RABGAP1L: variants seen among roughly 807,000 people sequenced by gnomAD.
The protein encoded by RABGAP1L is RAB GTPase activating protein 1 like, also known as rab GTPase-activating protein 1-like.
RABGAP1L carries 63 observed loss-of-function variants against 137.7 expected under a neutral mutation model. That is an observed-to-expected ratio of 0.46 (90% confidence interval 0.37 to 0.56). The LOEUF is 0.56. RABGAP1L is among the 20% of genes least tolerant of loss of function. The probability of loss-of-function intolerance (pLI) is 0.00; values close to 1 mark genes in which losing one functional copy is unlikely to be tolerated. For synonymous variants in RABGAP1L, 431 were observed against 433.7 expected (o/e 0.99, Z 0.08); for missense variants, 1,095 against 1,244.0 (o/e 0.88, Z 1.80).
At chr1:174,839,361 GACA>G (rs1693143422) in intron 19 of RABGAP1L, among the ~76,000 whole-genome samples, 2 of 152,060 alleles carry the variant, frequency 1.3e-5, no homozygotes, top group Non-Finnish European at 2.9e-5. Context: ...AGATACTTGA[GACA>G]ACTTTACTGA....
intron 11 of RABGAP1L, among the ~76,000 whole-genome samples, chr1:174,342,612 CTTTT>C (rs1682069325): frequency 1.3e-5 from 2 of 151,792 alleles, no homozygotes; most frequent in African/African-American, 4.8e-5. Context: ...TCTGTTTTTT[CTTTT>C]TTATTGTTTA....
intron 7 of RABGAP1L, among the ~76,000 whole-genome samples, chr1:174,265,508 C>T (rs539230171): frequency 7.8e-4 from 115 of 146,772 alleles, no homozygotes; most frequent in Admixed American, 1.8e-3. Context: ...TGTGCCACTG[C>T]ACTCCAGCCT....
At chr1:174,191,816 C>G (rs984807670) in intron 1 of RABGAP1L, among the ~76,000 whole-genome samples, 2 of 152,122 alleles carry the variant, frequency 1.3e-5, no homozygotes, top group African/African-American at 4.8e-5. Context: ...ATAATAGAGA[C>G]ACACTGACTC....
At chr1:174,579,726 C>T (rs562993285) in intron 13 of RABGAP1L, among the ~76,000 whole-genome samples, 4 of 152,222 alleles carry the variant, frequency 2.6e-5, no homozygotes, top group Middle Eastern at 3.4e-3. Context: ...TGATGCTCTT[C>T]GAAGAACACA....
chr1:174,302,366 C>G (rs979916166), intron 10 of RABGAP1L, among the ~76,000 whole-genome samples: 1 of 152,052 alleles, frequency 6.6e-6, no homozygotes, highest in Non-Finnish European at 1.5e-5. Flanking sequence ...ACTTTACTTG[C>G]TTTTTGTGTC....
intron 9 of RABGAP1L, among the ~76,000 whole-genome samples, chr1:174,278,049 T>C (rs2148675743): frequency 6.6e-6 from 1 of 152,188 alleles, no homozygotes; most frequent in African/African-American, 2.4e-5. Context: ...TTTTAAAAAA[T>C]ATTTAAAAAG....
intron 17 of RABGAP1L, among the ~76,000 whole-genome samples, chr1:174,707,566 C>G (rs879455473): frequency 3.9e-5 from 6 of 152,156 alleles, no homozygotes; most frequent in Non-Finnish European, 5.9e-5. Flanking sequence ...CTATGTAAAT[C>G]TCATTTTCTT....
At chr1:174,185,561 C>G (rs1187650952) in intron 1 of RABGAP1L, among the ~76,000 whole-genome samples, 1 of 152,076 alleles carries the variant, frequency 6.6e-6, no homozygotes, top group Admixed American at 6.5e-5. Context: ...GTAAAAAGTG[C>G]AATTCTACTT....
In RABGAP1L at chr1:174,588,013, A is replaced by T. The variant is rs1292300351; in HGVS notation, c.1711-49362A>T. On this transcript the variant is annotated intron_variant, in intron 13 of 25. Coordinates refer to ENST00000681986, the MANE Select transcript of RABGAP1L (RefSeq NM_001366446.1). Reference sequence around the variant, plus strand: ...CGAGTAGTTGGGACTACAGGCGTGCACAACCAGGCTTGGCTAAGTTTTTTG... The same window carrying T: ...CGAGTAGTTGGGACTACAGGCGTGCTCAACCAGGCTTGGCTAAGTTTTTTG... Among the ~76,000 whole-genome samples the T allele has an allele frequency of 2.0e-5, 3 of 152,008 alleles. No homozygotes were observed. The East Asian group carries it at 5.8e-4, about 29-fold the overall frequency.
chr1:174,467,238 A>G (rs1026993793), intron 13 of RABGAP1L, among the ~76,000 whole-genome samples: 1 of 152,184 alleles, frequency 6.6e-6, no homozygotes, highest in Non-Finnish European at 1.5e-5. Context: ...ATGAAGCATC[A>G]ATGTTACCAT....
intron 17 of RABGAP1L, among the ~76,000 whole-genome samples, chr1:174,741,032 A>ATTTTTT (rs1209031209): frequency 7.6e-6 from 1 of 132,154 alleles, no homozygotes; most frequent in Non-Finnish European, 1.6e-5. Flanking sequence ...CACTCTGTTG[A>ATTTTTT]TTTTTTTGTT....
chr1:174,810,971 G>T (rs560271420), intron 18 of RABGAP1L, among the ~76,000 whole-genome samples: 1 of 151,874 alleles, frequency 6.6e-6, no homozygotes, highest in African/African-American at 2.4e-5. Flanking sequence ...GTGTGGTGGT[G>T]TGTGCCTGTA....
chr1:174,323,780 A>T (rs1227506874), intron 11 of RABGAP1L, among the ~76,000 whole-genome samples: 1 of 152,184 alleles, frequency 6.6e-6, no homozygotes, highest in Non-Finnish European at 1.5e-5. Context: ...GGAAACCAAA[A>T]TATTCTCTTC....
intron 18 of RABGAP1L, among the ~76,000 whole-genome samples, chr1:174,802,354 C>T (rs1688833852): frequency 6.6e-6 from 1 of 152,180 alleles, no homozygotes; most frequent in Admixed American, 6.5e-5. Flanking sequence ...AGCCTGTATA[C>T]CCAGCACTTT....
At chr1:174,641,364 G>A (rs1456511833) in intron 14 of RABGAP1L, among the ~76,000 whole-genome samples, 4 of 152,024 alleles carry the variant, frequency 2.6e-5, no homozygotes, top group Non-Finnish European at 4.4e-5. Flanking sequence ...GGAGGAAATC[G>A]AAATGATTCA....
chr1:174,849,089 C>T (rs572553184), intron 19 of RABGAP1L, among the ~76,000 whole-genome samples: 170 of 152,322 alleles, frequency 1.1e-3, no homozygotes, highest in Middle Eastern at 6.8e-3. Flanking sequence ...CTTCGGCTCG[C>T]GCACGGTGCG....
rs183539568 is a variant in RABGAP1L, at chr1:174,191,333, G to A, written c.-33-27792G>A. 5.6e-3 allele frequency among the ~76,000 whole-genome samples: 853 copies of A among 152,020 alleles called. 15 individuals carry two copies. The highest frequency in any genetic ancestry group is 0.02 in the African/African-American group (820 of 41,324). ...TTGTCTGTTGATTTTTGAAAACTGG[G>A]GTGAATGAAGAGAGCTGACACTACA... is the stretch of plus-strand genomic sequence containing the variant. On this transcript the variant is annotated intron_variant, in intron 1 of 25. Coordinates refer to ENST00000681986, the MANE Select transcript of RABGAP1L (RefSeq NM_001366446.1).
intron 19 of RABGAP1L, among the ~76,000 whole-genome samples, chr1:174,841,348 T>A (rs1693375356): frequency 6.6e-6 from 1 of 152,044 alleles, no homozygotes; most frequent in East Asian, 1.9e-4. Context: ...CATTTTAAAT[T>A]TCCTACTAAA....
intron 19 of RABGAP1L, among the ~76,000 whole-genome samples, chr1:174,931,349 A>T (rs1663756317): frequency 6.6e-6 from 1 of 152,214 alleles, no homozygotes; most frequent in East Asian, 1.9e-4. Flanking sequence ...AATGCTTTGA[A>T]TAAGGGAAGT....
Sources: gnomAD v4.1 joint callset for allele counts (sites outside exome capture counted in the v4.1 genomes callset) on GRCh38, gnomAD v4.1.1 for gene constraint, MANE v1.5 for transcripts, NCBI Gene and HGNC (gene_info 2026-07-23, HGNC 2026-07-21) for gene names.